Variants in PTPRQ observed in about 807,000 individuals in gnomAD.
PTPRQ encodes the protein phosphatidylinositol phosphatase PTPRQ.
Under a neutral mutation model 246.0 loss-of-function variants are expected in PTPRQ, and 199 were observed. The observed-to-expected ratio is 0.81, with a 90% CI of 0.72 to 0.91. The LOEUF (loss-of-function observed/expected upper bound fraction) is 0.91, where lower values mean the gene tolerates loss of function less well. Ranked by LOEUF, PTPRQ falls within the 40% of genes least tolerant of loss-of-function variation. The pLI is 0.00. For synonymous variants in PTPRQ, 869 were observed against 853.2 expected, an observed-to-expected ratio of 1.02 and a Z score of -0.32; for missense variants, 2,624 against 2,528.4, an observed-to-expected ratio of 1.04 and a Z score of -0.81.
At chr12:80,482,122 C>G (rs1467102307) in intron 8 of PTPRQ, among the ~76,000 whole-genome samples, 1 of 152,014 alleles carries the variant, frequency 6.6e-6, no homozygotes, top group Non-Finnish European at 1.5e-5. Context: ...TGACTTTAAA[C>G]TATACTACAA....
intron 25 of PTPRQ, among the ~76,000 whole-genome samples, chr12:80,572,284 T>C (rs550582243): frequency 1.6e-4 from 25 of 152,282 alleles, no homozygotes; most frequent in African/African-American, 5.8e-4. Flanking sequence ...TTTAATGTTA[T>C]TCTAAATAGA....
At chr12:80,560,308 C>T (rs968218258) in intron 25 of PTPRQ, among the ~76,000 whole-genome samples, 2 of 152,314 alleles carry the variant, frequency 1.3e-5, no homozygotes, top group African/African-American at 4.8e-5. Context: ...ATTTTTCTGA[C>T]ACTGCTGAGC....
chr12:80,479,656 G>A (rs1047493143), intron 8 of PTPRQ, among the ~76,000 whole-genome samples: 1 of 141,268 alleles, frequency 7.1e-6, no homozygotes, highest in Non-Finnish European at 1.5e-5. Flanking sequence ...GACACACATA[G>A]GCTCAAAATA....
rs536035525 is a variant in PTPRQ at position 80,541,805 on chromosome 12, T to C, written c.3405T>C (p.Asp1135=). The change falls in exon 21 of 45, where the codon GAT becomes GAC. Residue 1135 remains aspartate (D), a synonymous_variant. Coordinates refer to ENST00000644991, the MANE Select transcript of PTPRQ (RefSeq NM_001145026.2). Reference sequence around the variant, plus strand: ...CATCAACAGAAAAGGGATTCTCTGATACCTATACTGCCCAGCTATACATCA... The same window carrying C: ...CATCAACAGAAAAGGGATTCTCTGACACCTATACTGCCCAGCTATACATCA... ...ITPSTEKGFS[D]TYTAQLYIKT... The C allele has an allele frequency of 6.1e-5, 95 of 1,550,368 alleles. No individual in the cohort carries two copies. Among genetic ancestry groups the C allele is most frequent in the Non-Finnish European group, 8.1e-5 (93 of 1,146,374 alleles).
chr12:80,471,866 T>C (rs1362994257), intron 7 of PTPRQ, among the ~76,000 whole-genome samples: 2 of 152,158 alleles, frequency 1.3e-5, no homozygotes, highest in African/African-American at 4.8e-5. Context: ...GCTTTATGAT[T>C]TAATAAAAGT....
intron 42 of PTPRQ, among the ~76,000 whole-genome samples, chr12:80,671,204 A>G (rs537532752): frequency 6.6e-6 from 1 of 152,180 alleles, no homozygotes; most frequent in South Asian, 2.1e-4. Context: ...ATGCTTGCTC[A>G]TTATAAAATA....
At chr12:80,506,788 C>A in intron 16 of PTPRQ, 118 bp downstream of exon 16, 1 of 698,478 alleles carries the variant, frequency 1.4e-6, no homozygotes, top group Non-Finnish European at 2.2e-6. Context: ...TGTACCATAC[C>A]AGCGTTATAC....
chr12:80,481,063 C>T (rs1317668698), intron 8 of PTPRQ, among the ~76,000 whole-genome samples: 1 of 152,180 alleles, frequency 6.6e-6, no homozygotes, highest in East Asian at 1.9e-4. Flanking sequence ...CAGGCAGAGA[C>T]ACAACCAAAA....
chr12:80,469,470 T>C (rs541975502), intron 7 of PTPRQ, among the ~76,000 whole-genome samples: 9 of 152,300 alleles, frequency 5.9e-5, no homozygotes, highest in South Asian at 2.1e-4. Flanking sequence ...AAGTGAATTA[T>C]GTAAAGTCTA....
intron 39 of PTPRQ, among the ~76,000 whole-genome samples, chr12:80,658,833 T>C (rs894805634): frequency 1.3e-5 from 2 of 152,020 alleles, no homozygotes; most frequent in African/African-American, 4.8e-5. Context: ...ACACTCTCCA[T>C]AGGCTTTTTC....
At chr12:80,621,891 T>C (rs1032906752) in intron 32 of PTPRQ, among the ~76,000 whole-genome samples, 170 bp from the exon 33 acceptor site, 3 of 152,056 alleles carry the variant, frequency 2.0e-5, no homozygotes, top group Non-Finnish European at 2.9e-5. Flanking sequence ...ATTTGTCTCA[T>C]ATAAATATAG....
chr12:80,502,458 T>G (rs1894832286), intron 14 of PTPRQ, among the ~76,000 whole-genome samples: 1 of 151,980 alleles, frequency 6.6e-6, no homozygotes, highest in African/African-American at 2.4e-5. Flanking sequence ...GTGGAACTAG[T>G]CAGCATAGAA....
At chr12:80,516,066 A>G (rs1895290481) in intron 17 of PTPRQ, among the ~76,000 whole-genome samples, 1 of 152,166 alleles carries the variant, frequency 6.6e-6, no homozygotes, top group Non-Finnish European at 1.5e-5. Flanking sequence ...TTTTCAAATG[A>G]TACACAGTCC....
intron 17 of PTPRQ, among the ~76,000 whole-genome samples, chr12:80,510,972 TGTTA>T (rs1895108946): frequency 6.6e-6 from 1 of 152,222 alleles, no homozygotes; most frequent in South Asian, 2.1e-4. Context: ...TTGTATCTCA[TGTTA>T]GTTAGCATGC....
At chr12:80,632,153 A>G (rs1443924250) in intron 33 of PTPRQ, 39 bp from the exon 34 acceptor site, 27 of 1,531,940 alleles carry the variant, frequency 1.8e-5, no homozygotes, top group Non-Finnish European at 2.3e-5. Flanking sequence ...ATAAGATTCC[A>G]TAATAATATT....
chr12:80,551,740 T>C (rs2120878800), intron 25 of PTPRQ, among the ~76,000 whole-genome samples: 1 of 152,238 alleles, frequency 6.6e-6, no homozygotes, highest in African/African-American at 2.4e-5. Context: ...TTTATTCTTA[T>C]ATCCTTTTAT....
intron 31 of PTPRQ, among the ~76,000 whole-genome samples, chr12:80,619,917 A>T (rs1389659290): frequency 1.3e-5 from 2 of 151,338 alleles, no homozygotes; most frequent in African/African-American, 4.8e-5. Context: ...GTTACTCTTG[A>T]TTGAGGGATG....
chr12:80,459,353 T>G lies in PTPRQ; in HGVS notation c.530T>G (p.Leu177Ter). The G allele has an allele frequency of 2.5e-6, 1 of 398,512 alleles. No homozygotes were observed. The highest frequency in any genetic ancestry group is 4.4e-6 in the Non-Finnish European group (1 of 225,970). The allele number at this position is 398,512 out of a possible 1,614,324, so 24.7% of individuals were successfully genotyped here. ...TCAGCAGTTAAGCTGATTTGGTATT[T>G]ACCTCGGCAACCAAATGGCAAAATT... ...NASAVKLIWY[L>*]PRQPNGKITS... The change falls in exon 5 of 45, where the codon TTA (leucine) becomes TGA (stop). Residue 177 changes from leucine (L) to a stop codon, truncating the protein, a stop_gained. Coordinates refer to ENST00000644991, the MANE Select transcript of PTPRQ (RefSeq NM_001145026.2). LOFTEE classifies it high-confidence loss of function.
intron 37 of PTPRQ, among the ~76,000 whole-genome samples, chr12:80,651,522 AGAGAAAGCAATAG>A (rs956774863): frequency 1.3e-5 from 2 of 152,012 alleles, no homozygotes; most frequent in African/African-American, 4.8e-5. Flanking sequence ...CACTGAAAAG[AGAGAAAGCAATAG>A]GAGAAAGAGC....
Sources: gnomAD v4.1 joint callset for allele counts (sites outside exome capture counted in the v4.1 genomes callset) on GRCh38, gnomAD v4.1.1 for gene constraint, MANE v1.5 for transcripts, NCBI Gene and HGNC (gene_info 2026-07-23, HGNC 2026-07-21) for gene names.